ADAMTSL3: variants seen among roughly 807,000 people sequenced by gnomAD.
ADAMTSL3 encodes ADAMTS like 3, also known as ADAMTS-like protein 3.
In ADAMTSL3, 128 loss-of-function variants were observed where a neutral mutation model predicts 201.7. The ratio of observed to expected loss-of-function variants is 0.63; its 90% CI spans 0.55 to 0.73. The LOEUF (loss-of-function observed/expected upper bound fraction) is 0.73, where lower values mean the gene tolerates loss of function less well. ADAMTSL3 is among the 30% of genes least tolerant of loss of function. The pLI is 0.00. For synonymous variants in ADAMTSL3, 738 were observed against 748.4 expected (o/e 0.99, Z 0.23); for missense variants, 1,990 against 2,119.6 (o/e 0.94, Z 1.20).
At chr15:83,805,125 G>C (rs1447359619) in intron 5 of ADAMTSL3, among the ~76,000 whole-genome samples, 4 of 152,156 alleles carry the variant, frequency 2.6e-5, no homozygotes, top group Admixed American at 6.5e-5. Flanking sequence ...ACTTGAACTG[G>C]TCTGTTGTTA....
intron 20 of ADAMTSL3, among the ~76,000 whole-genome samples, chr15:83,976,694 A>C (rs2067294293): frequency 6.6e-6 from 1 of 151,952 alleles, no homozygotes; most frequent in South Asian, 2.1e-4. Flanking sequence ...TCCTATGAGA[A>C]TCTAATGCCA....
At chr15:83,910,207 A>G (rs570712168) in intron 15 of ADAMTSL3, among the ~76,000 whole-genome samples, 2 of 152,240 alleles carry the variant, frequency 1.3e-5, no homozygotes, top group South Asian at 2.1e-4. Context: ...AAACTCTCAC[A>G]TCAGTGAAAT....
chr15:83,728,940 T>G (rs1394462797), intron 3 of ADAMTSL3, among the ~76,000 whole-genome samples: 1 of 152,102 alleles, frequency 6.6e-6, no homozygotes, highest in Non-Finnish European at 1.5e-5. Flanking sequence ...GCAAGTCTGG[T>G]GTTGATGAAA....
intron 5 of ADAMTSL3, among the ~76,000 whole-genome samples, chr15:83,809,960 C>G (rs1285806060): frequency 6.6e-6 from 1 of 151,950 alleles, no homozygotes; most frequent in African/African-American, 2.4e-5. Context: ...GGTAGGCCCC[C>G]GAGTTCTATG....
At chr15:83,762,687 A>G (rs899451737) in intron 3 of ADAMTSL3, among the ~76,000 whole-genome samples, 15 of 152,194 alleles carry the variant, frequency 9.9e-5, no homozygotes, top group Admixed American at 9.2e-4. Flanking sequence ...ACACTTCTTA[A>G]TACTATCACA....
intron 6 of ADAMTSL3, among the ~76,000 whole-genome samples, chr15:83,821,737 C>T (rs529167287): frequency 1.2e-4 from 18 of 152,366 alleles, no homozygotes; most frequent in Non-Finnish European, 2.4e-4. Flanking sequence ...CGTCATGGCC[C>T]GTTCTCAATG....
chr15:84,008,429 C>T (rs781159364), intron 23 of ADAMTSL3, among the ~76,000 whole-genome samples: 5 of 152,142 alleles, frequency 3.3e-5, no homozygotes, highest in Non-Finnish European at 5.9e-5. Flanking sequence ...CTTACTTGCT[C>T]GTTTGACTAC....
At chr15:83,928,143 T>G (rs2066284138) in intron 17 of ADAMTSL3, among the ~76,000 whole-genome samples, 1 of 152,044 alleles carries the variant, frequency 6.6e-6, no homozygotes, top group Admixed American at 6.6e-5. Context: ...CATCACTAAT[T>G]TTTAAAAATT....
At chr15:83,780,188 TC>T (rs1215943747) in intron 4 of ADAMTSL3, among the ~76,000 whole-genome samples, 3 of 152,002 alleles carry the variant, frequency 2.0e-5, no homozygotes, top group African/African-American at 4.8e-5. Flanking sequence ...GGCGGGTGGA[TC>T]CCCTGAGGTC....
chr15:83,908,724 C>T (rs2065883270), intron 15 of ADAMTSL3, among the ~76,000 whole-genome samples: 1 of 152,134 alleles, frequency 6.6e-6, no homozygotes. Flanking sequence ...TTTTGTTAGC[C>T]AGGTGTATTC....
intron 3 of ADAMTSL3, among the ~76,000 whole-genome samples, chr15:83,704,846 CT>C (rs2061825270): frequency 6.6e-6 from 1 of 152,164 alleles, no homozygotes; most frequent in Non-Finnish European, 1.5e-5. Flanking sequence ...TGTGTTACTT[CT>C]TTGCCCTCAG....
At chr15:83,829,232 A>G (rs1036827131) in intron 6 of ADAMTSL3, among the ~76,000 whole-genome samples, 5 of 152,154 alleles carry the variant, frequency 3.3e-5, no homozygotes, top group East Asian at 1.9e-4. Flanking sequence ...CAGAGATTCA[A>G]CTTCTTCCTG....
chr15:83,794,151 A>G (rs1011945636), intron 4 of ADAMTSL3, among the ~76,000 whole-genome samples: 2 of 152,238 alleles, frequency 1.3e-5, no homozygotes, highest in Non-Finnish European at 2.9e-5. Flanking sequence ...CAAAAGGTTC[A>G]CAACAAGAAA....
chr15:83,657,149 G>A (rs138485862), intron 2 of ADAMTSL3, among the ~76,000 whole-genome samples: 5 of 152,314 alleles, frequency 3.3e-5, no homozygotes, highest in South Asian at 4.1e-4. Context: ...TCTCATCAGC[G>A]GATCTGAAAC....
At chr15:83,967,254 T>G (rs1015153055) in intron 19 of ADAMTSL3, among the ~76,000 whole-genome samples, 1 of 152,214 alleles carries the variant, frequency 6.6e-6, no homozygotes, top group African/African-American at 2.4e-5. Flanking sequence ...TGTTTGCAGA[T>G]GACATAATTA....
chr15:83,862,307 C>G (rs975968428), intron 8 of ADAMTSL3: 2 of 152,164 alleles, frequency 1.3e-5, no homozygotes, highest in Non-Finnish European at 2.9e-5. Flanking sequence ...AACTGCAACA[C>G]ACATAATTGT....
intron 19 of ADAMTSL3, among the ~76,000 whole-genome samples, chr15:83,954,124 CT>C (rs1381257449): frequency 1.3e-5 from 2 of 152,190 alleles, no homozygotes; most frequent in African/African-American, 4.8e-5. Flanking sequence ...TTTTCTACCC[CT>C]ATCGCTTTCT....
At chr15:83,852,045 G>A (rs551042515) in intron 7 of ADAMTSL3, among the ~76,000 whole-genome samples, 1 of 152,068 alleles carries the variant, frequency 6.6e-6, no homozygotes, top group South Asian at 2.1e-4. Context: ...TGATCATTAG[G>A]TATAAACTTT....
chr15:83,934,032 AGAGTCCCCACTG>A (rs1188677688), intron 17 of ADAMTSL3, among the ~76,000 whole-genome samples: 3 of 152,202 alleles, frequency 2.0e-5, no homozygotes, highest in Non-Finnish European at 4.4e-5. Flanking sequence ...ATCCCTACAC[AGAGTCCCCACTG>A]GGACACTGCC....
Sources: allele counts gnomAD v4.1 joint callset (sites outside exome capture counted in the v4.1 genomes callset), GRCh38; gene constraint gnomAD v4.1.1; transcripts MANE v1.5; gene names NCBI Gene and HGNC (gene_info 2026-07-23, HGNC 2026-07-21).